Variants in NDST4 observed in about 807,000 individuals in gnomAD.
NDST4 encodes N-heparan sulfate sulfotransferase 4.
Under a neutral mutation model 100.8 loss-of-function variants are expected in NDST4, and 63 were observed. That is an observed-to-expected ratio of 0.62 (90% confidence interval 0.51 to 0.77). The LOEUF is 0.77. Ranked by LOEUF, NDST4 falls within the 30% of genes least tolerant of loss-of-function variation. The pLI is 0.00. For synonymous variants in NDST4, 377 were observed against 361.8 expected (o/e 1.04, Z -0.48); for missense variants, 943 against 1,018.4 (o/e 0.93, Z 1.01).
intron 6 of NDST4, among the ~76,000 whole-genome samples, chr4:114,919,775 G>C (rs1343504927): frequency 1.3e-5 from 2 of 152,150 alleles, no homozygotes; most frequent in African/African-American, 4.8e-5. Context: ...GATTCTATGT[G>C]GCCAGAGAGA....
chr4:115,022,428 G>GTGTTCCATATATGTGTTCCATATATA (rs1727870305), intron 2 of NDST4, among the ~76,000 whole-genome samples: 9 of 59,910 alleles, frequency 1.5e-4, no homozygotes, highest in Non-Finnish European at 2.7e-4. Context: ...CCATATATAT[G>GTGTTCCATATATGTGTTCCATATATA]TGTTCCATAT....
chr4:115,093,072 C>A (rs765383852), intron 1 of NDST4, among the ~76,000 whole-genome samples: 14 of 152,084 alleles, frequency 9.2e-5, no homozygotes, highest in Non-Finnish European at 1.5e-4. Context: ...CATCCAATAT[C>A]GTGGCCTCAA....
Position 114,839,540 on chromosome 4 carries a change from T to A in NDST4, c.2124A>T (p.Arg708=), listed in dbSNP as rs761277485. The part of the protein sequence containing the change: ...DRAYSWYQHQ[R]SHEDPAALRF... ...TCAGAGCAGCTGGATCTTCATGTGATCGTTGGTGCTTTAACAAGAAAGTCA... is the reference window on the plus strand; with the variant it reads ...TCAGAGCAGCTGGATCTTCATGTGAACGTTGGTGCTTTAACAAGAAAGTCA... The change falls in exon 11 of 14, where the codon CGA becomes CGT. Residue 708 remains arginine, a synonymous_variant. Transcript: ENST00000264363. 10 of 1,612,900 alleles carry A rather than the reference T, an allele frequency of 6.2e-6. No individual in the cohort carries two copies. In the Middle Eastern group the frequency reaches 8.2e-4, roughly 133 times the overall value.
intron 2 of NDST4, among the ~76,000 whole-genome samples, chr4:115,058,230 C>T (rs1055443526): frequency 1.3e-5 from 2 of 152,112 alleles, no homozygotes; most frequent in Admixed American, 1.3e-4. Flanking sequence ...CCATTACTGT[C>T]ACTGAGGAAT....
chr4:114,863,017 G>T (rs796552180), intron 7 of NDST4, among the ~76,000 whole-genome samples: 2 of 151,866 alleles, frequency 1.3e-5, no homozygotes, highest in South Asian at 4.2e-4. Context: ...CTCTTTTCCT[G>T]GCAAGTTTTC....
At chr4:115,090,920 A>AT (rs11460236) in intron 1 of NDST4, among the ~76,000 whole-genome samples, 114,264 of 152,014 alleles carry the variant, frequency 0.75, 43,743 homozygotes, top group African/African-American at 0.89. Flanking sequence ...TCTTCTTCAC[A>AT]TTGTAATGAA....
chr4:115,025,428 T>G (rs1270767022), intron 2 of NDST4, among the ~76,000 whole-genome samples: 1 of 152,188 alleles, frequency 6.6e-6, no homozygotes, highest in Non-Finnish European at 1.5e-5. Context: ...ATATATTTCT[T>G]TTTAATAATT....
chr4:114,991,901 C>A (rs1727047858), intron 2 of NDST4, among the ~76,000 whole-genome samples: 2 of 151,942 alleles, frequency 1.3e-5, no homozygotes, highest in South Asian at 4.1e-4. Context: ...TTTATTTGTA[C>A]ATATGCCTTC....
Position 115,042,264 on chromosome 4 carries a change from C to T in NDST4, c.978+33795G>A, listed in dbSNP as rs898991631. Reference sequence around the variant, plus strand: ...GTGTATCTATGCTATATACACTACCCGCCCTTTGGCCATCAATGTCATCAG... The same window carrying T: ...GTGTATCTATGCTATATACACTACCTGCCCTTTGGCCATCAATGTCATCAG... On this transcript the variant is annotated intron_variant, in intron 2 of 13. Transcript: ENST00000264363. Among the ~76,000 whole-genome samples the T allele has an allele frequency of 3.3e-5, 5 of 152,070 alleles. No homozygotes were observed. In the East Asian group the frequency reaches 7.7e-4, roughly 23 times the overall value.
chr4:114,940,772 G>C (rs990861945), intron 4 of NDST4, among the ~76,000 whole-genome samples: 4 of 152,176 alleles, frequency 2.6e-5, no homozygotes, highest in Non-Finnish European at 5.9e-5. Flanking sequence ...CGGGTTTATT[G>C]AGTTTGTCCA....
intron 2 of NDST4, among the ~76,000 whole-genome samples, chr4:115,035,377 A>G (rs1480127250): frequency 6.6e-6 from 1 of 152,118 alleles, no homozygotes; most frequent in East Asian, 1.9e-4. Context: ...GTGGAAAGAT[A>G]TATCTTATAG....
chr4:114,917,354 G>A (rs1213540687), intron 6 of NDST4, among the ~76,000 whole-genome samples: 3 of 152,162 alleles, frequency 2.0e-5, no homozygotes, highest in Non-Finnish European at 4.4e-5. Flanking sequence ...TTACAGAAAT[G>A]TGTTCAACCT....
chr4:114,860,249 T>A (rs1262719609), intron 7 of NDST4, among the ~76,000 whole-genome samples: 1 of 152,214 alleles, frequency 6.6e-6, no homozygotes, highest in Admixed American at 6.5e-5. Flanking sequence ...GCCATCTTTT[T>A]ATTTAGTATT....
chr4:114,877,345 G>T (rs1724277014), intron 6 of NDST4, among the ~76,000 whole-genome samples: 2 of 152,030 alleles, frequency 1.3e-5, no homozygotes, highest in Non-Finnish European at 2.9e-5. Context: ...TTTTGGAAAT[G>T]AAAATAAAAT....
intron 6 of NDST4, among the ~76,000 whole-genome samples, chr4:114,920,057 C>T (rs1725256563): frequency 2.0e-5 from 3 of 152,106 alleles, no homozygotes; most frequent in Admixed American, 2.0e-4. Context: ...CCACAAGTTA[C>T]TATCATCACT....
chr4:115,010,980 A>G (rs2126260407), intron 2 of NDST4, among the ~76,000 whole-genome samples: 1 of 152,196 alleles, frequency 6.6e-6, no homozygotes, highest in Middle Eastern at 3.4e-3. Context: ...GGCAAAAATA[A>G]TAGTTAATAA....
intron 1 of NDST4, among the ~76,000 whole-genome samples, chr4:115,105,993 T>C (rs963412260): frequency 1.3e-5 from 2 of 151,860 alleles, no homozygotes; most frequent in Admixed American, 6.6e-5. Flanking sequence ...TTAGTATCTA[T>C]TGATTATTGG....
chr4:115,046,399 G>T (rs1451299690), intron 2 of NDST4, among the ~76,000 whole-genome samples: 1 of 152,168 alleles, frequency 6.6e-6, no homozygotes, highest in African/African-American at 2.4e-5. Flanking sequence ...TGTAGTGCTT[G>T]CCTGTATTCA....
chr4:115,062,201 C>T (rs1016831990), intron 2 of NDST4, among the ~76,000 whole-genome samples: 1 of 151,876 alleles, frequency 6.6e-6, no homozygotes, highest in Admixed American at 6.6e-5. Context: ...CTGTTATGAA[C>T]AACTCAAAAC....
Sources: allele counts gnomAD v4.1 joint callset (sites outside exome capture counted in the v4.1 genomes callset), GRCh38; gene constraint gnomAD v4.1.1; transcripts MANE v1.5; gene names NCBI Gene and HGNC (gene_info 2026-07-23, HGNC 2026-07-21).